The following SNAP47 variants were observed in gnomAD, a reference collection of about 807,000 sequenced individuals.
SNAP47 encodes the protein synaptosomal-associated protein 47.
In SNAP47, 20 loss-of-function variants were observed where a neutral mutation model predicts 31.4. The ratio of observed to expected loss-of-function variants is 0.64; its 90% CI spans 0.45 to 0.93. The LOEUF is 0.93. SNAP47 is among the 40% of genes least tolerant of loss of function. The pLI is 0.00. For missense variants in SNAP47, 492 were observed against 528.5 expected, an observed-to-expected ratio of 0.93 and a Z score of 0.68; for synonymous variants, 194 against 213.4, an observed-to-expected ratio of 0.91 and a Z score of 0.79.
At chr1:227,735,004 C>T (rs761125101), upstream of SNAP47, 3 of 1,520,298 alleles carry the variant, frequency 2.0e-6, no homozygotes, top group Non-Finnish European at 2.6e-6. Context: ...CTGCGGCCGC[C>T]GCCCCACCGT....
At chr1:227,731,441 G>A (rs1571957389), upstream of SNAP47, 1 of 152,280 alleles carries the variant, frequency 6.6e-6, no homozygotes, top group Admixed American at 6.5e-5. Flanking sequence ...AGCCAACCAG[G>A]GGCCAACTGA....
chr1:227,737,974 C>T (rs574575806), intron 1 of SNAP47, among the ~76,000 whole-genome samples: 14 of 152,130 alleles, frequency 9.2e-5, no homozygotes, highest in Middle Eastern at 3.4e-3. Flanking sequence ...CCTCCAGTTC[C>T]GTCCAGAGAT....
chr1:227,773,694 G>C (rs568111484), intron 4 of SNAP47, among the ~76,000 whole-genome samples: 6 of 152,224 alleles, frequency 3.9e-5, no homozygotes, highest in Non-Finnish European at 8.8e-5. Context: ...AGATGTGCAG[G>C]TAGTTAGCGT....
At chr1:227,764,598 G>A (rs925107075) in intron 3 of SNAP47, among the ~76,000 whole-genome samples, 3 of 149,648 alleles carry the variant, frequency 2.0e-5, no homozygotes, top group Admixed American at 6.6e-5. Context: ...TAAGACCCCC[G>A]TCTCTATAAA....
chr1:227,734,252 A>G (rs1463774086), upstream of SNAP47: 2 of 558,774 alleles, frequency 3.6e-6, no homozygotes, highest in African/African-American at 1.9e-5. Context: ...AGTACTGATC[A>G]TGCCTATAAT....
intron 2 of SNAP47, among the ~76,000 whole-genome samples, chr1:227,750,182 G>C (rs1386889470): frequency 1.3e-5 from 2 of 152,254 alleles, no homozygotes; most frequent in African/African-American, 4.8e-5. Flanking sequence ...AGATGACAGA[G>C]CCCCCGACAA....
chr1:227,757,958 G>A (rs569238268), intron 2 of SNAP47, among the ~76,000 whole-genome samples: 1 of 152,306 alleles, frequency 6.6e-6, no homozygotes, highest in South Asian at 2.1e-4. Flanking sequence ...GTTCTCTGGA[G>A]AACCTGACTG....
intron 1 of SNAP47, among the ~76,000 whole-genome samples, chr1:227,737,700 G>A (rs995010792): frequency 6.6e-6 from 1 of 152,160 alleles, no homozygotes; most frequent in African/African-American, 2.4e-5. Flanking sequence ...AGAAGAGGGA[G>A]GACCAAGGTC....
chr1:227,764,517 C>T (rs960299630), intron 3 of SNAP47, among the ~76,000 whole-genome samples: 16 of 152,278 alleles, frequency 1.1e-4, no homozygotes, highest in African/African-American at 3.8e-4. Context: ...GCCTGCAGCC[C>T]AGCACTTTGG....
intron 4 of SNAP47, chr1:227,776,029 A>G (rs1664138981): frequency 8.3e-7 from 1 of 1,200,878 alleles, no homozygotes; most frequent in African/African-American, 1.6e-5. Flanking sequence ...CCATGGCCAT[A>G]AGCTGGCAGT....
upstream of SNAP47, chr1:227,734,663 C>G (rs1402734096): frequency 4.3e-6 from 7 of 1,614,028 alleles, no homozygotes; most frequent in Non-Finnish European, 5.1e-6. Context: ...GCACAAGTGC[C>G]AGTCTTTGAG....
upstream of SNAP47, chr1:227,732,192 G>A (rs537608190): frequency 1.6e-6 from 1 of 630,094 alleles, no homozygotes; most frequent in Non-Finnish European, 2.8e-6. Flanking sequence ...GGTCAGAAGG[G>A]CCACATCCCA....
chr1:227,764,721 T>C (rs193243527), intron 3 of SNAP47, among the ~76,000 whole-genome samples: 43 of 152,198 alleles, frequency 2.8e-4, no homozygotes, highest in Admixed American at 6.5e-5. Flanking sequence ...CTGACCGATA[T>C]GGTGAAGCCC....
Position 227,763,419 on chromosome 1 carries a change from A to C in SNAP47, c.989-3540A>C, listed in dbSNP as rs545686127. 6.6e-6 allele frequency among the ~76,000 whole-genome samples: 1 copy of C among 152,334 alleles called. No homozygotes were observed. Among genetic ancestry groups the C allele is most frequent in the Admixed American group, 6.5e-5 (1 of 15,310 alleles). On this transcript the variant is annotated intron_variant, in intron 3 of 4. Transcript: ENST00000617596. The surrounding 1 kb of genome is among the most constrained non-coding windows in gnomAD (Gnocchi z 4.2). ...CTGTCTGCACAGCAGCACCAGCAGC[A>C]GGACAGGGCAGGAGGCAGGCGGATG... is the stretch of plus-strand genomic sequence containing the variant.
In SNAP47 at chr1:227,780,980, TGTCTC is replaced by T. The variant is rs980250589; in HGVS notation, c.*309_*313del. 8.0e-6 allele frequency: 3 copies of T among 376,032 alleles called. No individual in the cohort carries two copies. The highest frequency in any genetic ancestry group is 6.1e-5 in the African/African-American group (3 of 48,884). 23.3% of individuals were successfully genotyped at this position (376,032 alleles called of 1,614,324 possible). ...GGCCTGGAAGAGGCCGCCCTCGTCT[TGTCTC>T]GGCTCCCTTTCATGGACAGACTGGC... On this transcript the variant is annotated 3_prime_UTR_variant, in exon 5 of 5. Transcript: ENST00000617596.
upstream of SNAP47, among the ~76,000 whole-genome samples, chr1:227,728,273 C>G (rs536730582): frequency 6.6e-6 from 1 of 152,048 alleles, no homozygotes; most frequent in East Asian, 1.9e-4. Context: ...TCCCGCTGCC[C>G]GGAACACAAG....
chr1:227,754,233 T>A (rs1662554961), intron 2 of SNAP47, among the ~76,000 whole-genome samples: 1 of 152,242 alleles, frequency 6.6e-6, no homozygotes, highest in Admixed American at 6.5e-5. Flanking sequence ...CCTACAGCCG[T>A]GCTGGTGCCT....
intron 1 of SNAP47, 151 bp downstream of exon 1, chr1:227,735,650 G>A (rs914732823): frequency 3.2e-5 from 42 of 1,323,946 alleles, no homozygotes; most frequent in Middle Eastern, 2.8e-4. Flanking sequence ...CGCTGGGAGA[G>A]GGGCGGGGAC....
At chr1:227,732,048 A>C, upstream of SNAP47, 1 of 379,264 alleles carries the variant, frequency 2.6e-6, no homozygotes, top group Non-Finnish European at 5.0e-6. Context: ...GGGCTGGCCT[A>C]TTAAGAGGAG....
Sources: gnomAD v4.1 joint callset for allele counts (sites outside exome capture counted in the v4.1 genomes callset) on GRCh38, gnomAD v4.1.1 for gene constraint, Gnocchi (gnomAD v3.1) non-coding constraint, MANE v1.5 for transcripts, NCBI Gene and HGNC (gene_info 2026-07-23, HGNC 2026-07-21) for gene names.